Variants in RNF150 observed in about 807,000 individuals in gnomAD.
The protein encoded by RNF150 is ring finger protein 150.
A neutral mutation model predicts 39.3 loss-of-function variants in RNF150; 24 were observed. The observed-to-expected ratio is 0.61, with a 90% confidence interval of 0.44 to 0.86. The LOEUF (loss-of-function observed/expected upper bound fraction) is 0.86, where lower values mean the gene tolerates loss of function less well. Ranked by LOEUF, RNF150 falls within the 40% of genes least tolerant of loss-of-function variation. The pLI, the probability that RNF150 is intolerant of heterozygous loss-of-function variation, is 0.00. For missense variants in RNF150, 502 were observed against 587.8 expected (o/e 0.85, Z 1.51); for synonymous variants, 255 against 227.3 (o/e 1.12, Z -1.10).
intron 6 of RNF150, among the ~76,000 whole-genome samples, chr4:140,896,168 C>T (rs1378326074): frequency 1.7e-5 from 1 of 58,120 alleles, no homozygotes; most frequent in East Asian, 3.9e-4. Context: ...ACCATTTGAC[C>T]CAGCCATCCC....
In RNF150 at chr4:141,132,429, G is replaced by A. The variant is rs1726919681; in HGVS notation, c.380C>T (p.Thr127Met). 6.2e-7 allele frequency: 1 copy of A among 1,610,286 alleles called. No homozygotes were observed. Among genetic ancestry groups the A allele is most frequent in the Non-Finnish European group, 8.5e-7 (1 of 1,178,754 alleles). The change falls in exon 1 of 7, where the codon ACG becomes ATG. Residue 127 changes from threonine to methionine, a missense_variant. Physicochemically the swap from Thr to Met is moderately conservative, Grantham distance 81. Coordinates refer to ENST00000515673, the MANE Select transcript of RNF150 (RefSeq NM_020724.2). The surrounding 1 kb of genome is among the most constrained non-coding windows in gnomAD (Gnocchi z 4.9). ...WIALIPKGNC[T>M]YRDKIRNAFL... is the part of the protein sequence containing the mutation. ...CGCGTTCCGGATCTTATCCCTGTAC[G>A]TGCAGTTGCCCTTGGGGATGAGGGC...
chr4:141,127,341 A>C (rs1726779756), intron 1 of RNF150, among the ~76,000 whole-genome samples: 1 of 152,222 alleles, frequency 6.6e-6, no homozygotes, highest in African/African-American at 2.4e-5. Context: ...ATTACCCAGC[A>C]TGCTAAAAAA....
In RNF150 at chr4:140,866,505, G is replaced by A. The variant is rs894412393; in HGVS notation, c.*1756C>T. ...TCCTAGGGAGATGCAACCTTTCTGAGGGTAATAATCATCTGCCTTGCCTTA... is the reference window on the plus strand; with the variant it reads ...TCCTAGGGAGATGCAACCTTTCTGAAGGTAATAATCATCTGCCTTGCCTTA... On this transcript the variant is annotated 3_prime_UTR_variant, in exon 7 of 7. Transcript: ENST00000515673. 6.6e-6 allele frequency: 1 copy of A among 152,190 alleles called. No homozygotes were observed. Among genetic ancestry groups the A allele is most frequent in the African/African-American group, 2.4e-5 (1 of 41,440 alleles). 9.4% of individuals were successfully genotyped at this position (152,190 alleles called of 1,614,324 possible).
Position 141,091,897 on chromosome 4 carries a change from T to C in RNF150, c.484+40428A>G, listed in dbSNP as rs139711627. On this transcript the variant is annotated intron_variant, in intron 1 of 6. Coordinates refer to ENST00000515673, the MANE Select transcript of RNF150 (RefSeq NM_020724.2). The stretch of plus-strand genomic sequence containing the variant: ...TTTCACTGATGGTGCCAAACAGAGA[T>C]ACACAATATACACATATATGGTGCC... Among the ~76,000 whole-genome samples, 3 of 151,858 alleles carry C rather than the reference T, an allele frequency of 2.0e-5. No homozygotes were observed. In the East Asian group the frequency reaches 5.8e-4, roughly 29 times the overall value.
Position 141,133,025 on chromosome 4 carries a change from T to G in RNF150, c.-217A>C. The G allele has an allele frequency of 6.4e-6, 3 of 468,522 alleles. No individual in the cohort carries two copies. The highest frequency in any genetic ancestry group is 4.3e-5 in the Admixed American group (1 of 22,996). 29.0% of individuals were successfully genotyped at this position (468,522 alleles called of 1,614,324 possible). A position where few individuals can be genotyped will look rare whatever the true frequency, so the allele number is the denominator to read the frequency against. On this transcript the variant is annotated 5_prime_UTR_variant, in exon 1 of 7. Transcript: ENST00000515673. Reference sequence around the variant, plus strand: ...TCCCCTCTCAGCTGTAGCGCGGTGGTTGCATTTTGCTTCTTGGGCGCCCGG... The same window carrying G: ...TCCCCTCTCAGCTGTAGCGCGGTGGGTGCATTTTGCTTCTTGGGCGCCCGG...
At chr4:140,921,232 A>C (rs1016696285) in intron 5 of RNF150, among the ~76,000 whole-genome samples, 1 of 151,836 alleles carries the variant, frequency 6.6e-6, no homozygotes, top group African/African-American at 2.4e-5. Flanking sequence ...AAGACTAATA[A>C]AGAAGAAAAG....
chr4:141,012,020 G>GTTAACC (rs1274450756), intron 1 of RNF150, among the ~76,000 whole-genome samples: 1 of 152,172 alleles, frequency 6.6e-6, no homozygotes, highest in Non-Finnish European at 1.5e-5. Flanking sequence ...CTGCATTCTG[G>GTTAACC]TTAACCTCAT....
At chr4:141,007,544 A>G (rs942654011) in intron 1 of RNF150, among the ~76,000 whole-genome samples, 2 of 152,210 alleles carry the variant, frequency 1.3e-5, no homozygotes, top group Admixed American at 6.5e-5. Flanking sequence ...AATCTCGGGC[A>G]CTTGAAAGGC....
Position 141,194,336 on chromosome 4 carries a change from A to G in RNF150, c.-6+18458T>C, listed in dbSNP as rs75549625. 1.5e-3 allele frequency among the ~76,000 whole-genome samples: 233 copies of G among 152,340 alleles called. 1 individual carries two copies. Among genetic ancestry groups the G allele is most frequent in the African/African-American group, 5.2e-3 (215 of 41,572 alleles). ...TGTAGCTAAGGACAAAGGATTATAA[A>G]CTTTATATTACAGTATCTAGTTACT... On this transcript the variant is annotated intron_variant, in intron 1 of 7. Coordinates refer to the RNF150 transcript ENST00000420921.
chr4:140,949,696 G>A (rs1369261370), intron 2 of RNF150, among the ~76,000 whole-genome samples: 2 of 151,224 alleles, frequency 1.3e-5, no homozygotes, highest in African/African-American at 4.9e-5. Context: ...AAAAAAATGA[G>A]TTTAGTAATT....
intron 1 of RNF150, among the ~76,000 whole-genome samples, chr4:140,993,268 C>T (rs1046118477): frequency 2.0e-5 from 3 of 152,158 alleles, no homozygotes; most frequent in African/African-American, 7.2e-5. Context: ...AAATGGCCCA[C>T]ATTTCTTGGC....
In RNF150 at chr4:140,865,522, G is replaced by A. The variant is rs1171431825; in HGVS notation, c.*2739C>T. 6.7e-6 allele frequency: 1 copy of A among 150,112 alleles called. No individual in the cohort carries two copies. The highest frequency in any genetic ancestry group is 2.5e-5 in the African/African-American group (1 of 40,802). 9.3% of individuals were successfully genotyped at this position (150,112 alleles called of 1,614,324 possible). Reference sequence around the variant, plus strand: ...AGGGCTGTTCCCCTTTCTTCTGAAAGAGAAACTTTCTGGTTAAGCTTTTTT... The same window carrying A: ...AGGGCTGTTCCCCTTTCTTCTGAAAAAGAAACTTTCTGGTTAAGCTTTTTT... On this transcript the variant is annotated 3_prime_UTR_variant, in exon 7 of 7. Coordinates refer to ENST00000515673, the MANE Select transcript of RNF150 (RefSeq NM_020724.2).
intron 2 of RNF150, 118 bp downstream of exon 2, chr4:140,967,503 CAG>C (rs1453247912): frequency 1.7e-5 from 12 of 689,342 alleles, no homozygotes; most frequent in Non-Finnish European, 2.9e-5. Flanking sequence ...CAAATGTTAA[CAG>C]TGTTTATCTT....
intron 1 of RNF150, among the ~76,000 whole-genome samples, chr4:140,989,903 T>C (rs1057170624): frequency 1.3e-5 from 2 of 152,218 alleles, no homozygotes; most frequent in Admixed American, 1.3e-4. Flanking sequence ...GCATTTTAAA[T>C]TCTTGTTCAG....
At chr4:140,872,229 C>G (rs1294517514) in intron 6 of RNF150, among the ~76,000 whole-genome samples, 1 of 152,200 alleles carries the variant, frequency 6.6e-6, no homozygotes, top group Non-Finnish European at 1.5e-5. Context: ...CTATAAGTAG[C>G]TATTAACAAC....
At chr4:140,881,808 G>A (rs1729383616) in intron 6 of RNF150, among the ~76,000 whole-genome samples, 1 of 152,068 alleles carries the variant, frequency 6.6e-6, no homozygotes. Flanking sequence ...ATGAGCCCAG[G>A]AGTTTCAGGC....
chr4:141,198,039 T>C (rs1728231296), intron 1 of RNF150, among the ~76,000 whole-genome samples: 1 of 151,688 alleles, frequency 6.6e-6, no homozygotes, highest in Non-Finnish European at 1.5e-5. Context: ...ACTCCTTTTT[T>C]TTTTTTTTTG....
At chr4:141,114,246 A>G (rs890477347) in intron 1 of RNF150, among the ~76,000 whole-genome samples, 6 of 152,248 alleles carry the variant, frequency 3.9e-5, no homozygotes, top group African/African-American at 1.2e-4. Context: ...AGATTAACAA[A>G]GTAGATAGAC....
At chr4:141,079,336 C>G (rs1402676327) in intron 1 of RNF150, among the ~76,000 whole-genome samples, 1 of 152,168 alleles carries the variant, frequency 6.6e-6, no homozygotes, top group Non-Finnish European at 1.5e-5. Context: ...CATTAAAACT[C>G]CTAAGAAGGC....
Sources: gnomAD v4.1 joint callset for allele counts (sites outside exome capture counted in the v4.1 genomes callset) on GRCh38, gnomAD v4.1.1 for gene constraint, Gnocchi (gnomAD v3.1) non-coding constraint, MANE v1.5 for transcripts, NCBI Gene and HGNC (gene_info 2026-07-23, HGNC 2026-07-21) for gene names.